Variants in RERE observed in about 807,000 individuals in gnomAD.
RERE encodes the protein arginine-glutamic acid dipeptide repeats.
A neutral mutation model predicts 146.1 loss-of-function variants in RERE; 40 were observed. The observed-to-expected ratio is 0.27, with a 90% CI of 0.21 to 0.36. RERE has a LOEUF of 0.36. Among genes scored for constraint, RERE ranks in the 10% least tolerant of loss-of-function variants. The probability of loss-of-function intolerance (pLI) is 1.00; values close to 1 mark genes in which losing one functional copy is unlikely to be tolerated. For synonymous variants in RERE, 1,003 were observed against 866.0 expected, an observed-to-expected ratio of 1.16 and a Z score of -2.78; for missense variants, 1,933 against 2,138.7, an observed-to-expected ratio of 0.90 and a Z score of 1.90.
At chr1:8,736,494 AC>A (rs1640200361) in intron 1 of RERE, among the ~76,000 whole-genome samples, 1 of 152,148 alleles carries the variant, frequency 6.6e-6, no homozygotes, top group African/African-American at 2.4e-5. Flanking sequence ...GGTGTGAGCC[AC>A]CGCGCCCGGC....
At chr1:8,369,712 T>C (rs1641957907) in intron 12 of RERE, among the ~76,000 whole-genome samples, 1 of 151,898 alleles carries the variant, frequency 6.6e-6, no homozygotes, top group Admixed American at 6.6e-5. Flanking sequence ...AACCCAGCAA[T>C]TCTTCTCTTA....
At chr1:8,407,071 G>A (rs1167965392) in intron 12 of RERE, among the ~76,000 whole-genome samples, 1 of 152,254 alleles carries the variant, frequency 6.6e-6, no homozygotes, top group Non-Finnish European at 1.5e-5. Flanking sequence ...AGAAAGTGCT[G>A]TCTGCAGTGT....
At chr1:8,785,631 CTTTTT>C (rs1439151900) in intron 1 of RERE, among the ~76,000 whole-genome samples, 1 of 151,692 alleles carries the variant, frequency 6.6e-6, no homozygotes, top group African/African-American at 2.4e-5. Context: ...CCTTGAGCTG[CTTTTT>C]TTTGAGACGA....
intron 1 of RERE, among the ~76,000 whole-genome samples, chr1:8,789,282 C>CAAAAAAAA (rs58993452): frequency 7.5e-4 from 29 of 38,490 alleles, no homozygotes; most frequent in African/African-American, 3.2e-3. Flanking sequence ...TCCTCTCTAC[C>CAAAAAAAA]AAAAAAAAAA....
intron 1 of RERE, among the ~76,000 whole-genome samples, chr1:8,773,191 A>C (rs965190604): frequency 2.0e-5 from 3 of 152,244 alleles, no homozygotes; most frequent in Admixed American, 1.3e-4. Context: ...TTACCAAAGA[A>C]AGTTTTTGAG....
chr1:8,671,197 G>A (rs1425686954), intron 1 of RERE, among the ~76,000 whole-genome samples: 1 of 152,168 alleles, frequency 6.6e-6, no homozygotes, highest in Non-Finnish European at 1.5e-5. Flanking sequence ...AACTACTAGG[G>A]ATGAAATATT....
intron 1 of RERE, among the ~76,000 whole-genome samples, chr1:8,664,083 C>T (rs1489370930): frequency 6.6e-6 from 1 of 152,146 alleles, no homozygotes; most frequent in East Asian, 1.9e-4. Flanking sequence ...CTGCAAAGTC[C>T]ACAAAGGCAA....
In RERE at chr1:8,356,209, C is replaced by T. The variant is rs761329931; in HGVS notation, c.4377G>A (p.Leu1459=). The T allele has an allele frequency of 2.0e-6, 3 of 1,523,894 alleles. No homozygotes were observed. The highest frequency in any genetic ancestry group is 2.6e-6 in the Non-Finnish European group (3 of 1,147,034). The allele number at this position is 1,523,894 out of a possible 1,614,324, so 94.4% of individuals were successfully genotyped here. A position where few individuals can be genotyped will look rare whatever the true frequency, so the allele number is the denominator to read the frequency against. ...AGCGAGCCAGGTGGGGACCGGCAGTCAGGGGGTCGACCAGCGGGTGAACGG... is the reference window on the plus strand; with the variant it reads ...AGCGAGCCAGGTGGGGACCGGCAGTTAGGGGGTCGACCAGCGGGTGAACGG... ...AGPVHPLVDP[L]TAGPHLARFP... Residue 1459 remains leucine (L), a synonymous_variant, in exon 21 of 23, where the codon CTG becomes CTA. Coordinates refer to ENST00000400908, the MANE Select transcript of RERE (RefSeq NM_001042681.2). The surrounding 1 kb of genome is among the most constrained non-coding windows in gnomAD (Gnocchi z 5.2).
At chr1:8,586,291 A>G (rs933836492) in intron 4 of RERE, among the ~76,000 whole-genome samples, 3 of 152,244 alleles carry the variant, frequency 2.0e-5, no homozygotes, top group African/African-American at 7.2e-5. Flanking sequence ...ATAATGGAAT[A>G]TAATTACTGT....
At chr1:8,537,320 T>A in intron 7 of RERE, among the ~76,000 whole-genome samples, 1 of 152,234 alleles carries the variant, frequency 6.6e-6, no homozygotes, top group East Asian at 1.9e-4. Flanking sequence ...TCAGAATTTT[T>A]ATTTTAGCAC....
At chr1:8,625,965 A>C (rs192381561) in intron 2 of RERE, among the ~76,000 whole-genome samples, 95 of 152,328 alleles carry the variant, frequency 6.2e-4, no homozygotes, top group Non-Finnish European at 1.1e-3. Flanking sequence ...GACTCAACAG[A>C]GATTTAATCC....
At chr1:8,662,469 G>A (rs1169000342) in intron 1 of RERE, among the ~76,000 whole-genome samples, 1 of 152,186 alleles carries the variant, frequency 6.6e-6, no homozygotes, top group Non-Finnish European at 1.5e-5. Context: ...GAGGCAAGGA[G>A]GCAATCATTT....
At position 8,353,569 on chromosome 1, in the gene RERE, C is replaced by T. The variant is rs1641176092; in HGVS notation, c.*1518G>A. ...AAGCAGGGCCGACAGAGGGCAGACA[C>T]CCCAGAACACCCGCCCTCAGCCTGG... On this transcript the variant is annotated 3_prime_UTR_variant, in exon 23 of 23. Coordinates refer to ENST00000400908, the MANE Select transcript of RERE (RefSeq NM_001042681.2). The T allele has an allele frequency of 6.6e-6, 1 of 152,256 alleles. No homozygotes were observed. Among genetic ancestry groups the T allele is most frequent in the African/African-American group, 2.4e-5 (1 of 41,408 alleles). The allele number at this position is 152,256 out of a possible 1,614,324, so 9.4% of individuals were successfully genotyped here. A position where few individuals can be genotyped will look rare whatever the true frequency, so the allele number is the denominator to read the frequency against.
At chr1:8,781,282 G>A (rs1407361186) in intron 1 of RERE, among the ~76,000 whole-genome samples, 1 of 151,868 alleles carries the variant, frequency 6.6e-6, no homozygotes, top group African/African-American at 2.4e-5. Context: ...CTTGAACCCT[G>A]GAGATGGAGG....
intron 1 of RERE, among the ~76,000 whole-genome samples, chr1:8,795,329 C>G (rs932037320): frequency 7.4e-5 from 11 of 148,108 alleles, no homozygotes; most frequent in African/African-American, 2.5e-4. Flanking sequence ...CGGCCCCCCA[C>G]TTTTTTTTTT....
At chr1:8,672,384 A>G (rs1334210376) in intron 1 of RERE, among the ~76,000 whole-genome samples, 2 of 152,150 alleles carry the variant, frequency 1.3e-5, no homozygotes, top group Non-Finnish European at 2.9e-5. Context: ...TAGGTTTCCC[A>G]GGCTAGTCTC....
Position 8,452,128 on chromosome 1 carries a change from T to A in RERE, c.1203+13797A>T, listed in dbSNP as rs571423808. On this transcript the variant is annotated intron_variant, in intron 11 of 22. Coordinates refer to ENST00000400908, the MANE Select transcript of RERE (RefSeq NM_001042681.2). The stretch of plus-strand genomic sequence containing the variant: ...CCTCTGTCAACTCTGCCCGGTGAAA[T>A]CCTATCCATCCTTCAAGGTCCTCTC... Among the ~76,000 whole-genome samples the A allele has an allele frequency of 8.5e-5, 13 of 152,124 alleles. No individual in the cohort carries two copies. The East Asian group carries it at 2.1e-3, about 25-fold the overall frequency.
intron 1 of RERE, among the ~76,000 whole-genome samples, chr1:8,704,114 C>A (rs991224386): frequency 1.8e-4 from 28 of 152,228 alleles, no homozygotes; most frequent in African/African-American, 6.8e-4. Context: ...CAAACTCCCT[C>A]ATTAATTCAA....
At chr1:8,662,296 C>T (rs1638473254) in intron 1 of RERE, among the ~76,000 whole-genome samples, 1 of 152,212 alleles carries the variant, frequency 6.6e-6, no homozygotes, top group Admixed American at 6.5e-5. Context: ...ACACCACCCC[C>T]AAACATCTCA....
Sources: allele counts gnomAD v4.1 joint callset (sites outside exome capture counted in the v4.1 genomes callset), GRCh38; gene constraint gnomAD v4.1.1; non-coding constraint Gnocchi (gnomAD v3.1); transcripts MANE v1.5; gene names NCBI Gene and HGNC (gene_info 2026-07-23, HGNC 2026-07-21).